The following FCHSD2 variants were observed in gnomAD, a reference collection of about 807,000 sequenced individuals.
The protein encoded by FCHSD2 is F-BAR and double SH3 domains protein 2.
In FCHSD2, 38 loss-of-function variants were observed where a neutral mutation model predicts 108.1. The observed-to-expected ratio is 0.35, with a 90% CI of 0.27 to 0.46. The LOEUF (loss-of-function observed/expected upper bound fraction) is 0.46, where lower values mean the gene tolerates loss of function less well. Ranked by LOEUF, FCHSD2 falls within the 20% of genes least tolerant of loss-of-function variation. The pLI is 1.00. For synonymous variants in FCHSD2, 279 were observed against 314.7 expected (o/e 0.89, Z 1.20); for missense variants, 751 against 897.8 (o/e 0.84, Z 2.09).
intron 7 of FCHSD2, 47 bp from the exon 8 acceptor site, chr11:72,984,263 T>C (rs370687106): frequency 5.2e-5 from 83 of 1,584,976 alleles, no homozygotes; most frequent in Non-Finnish European, 6.5e-5. Flanking sequence ...GATATTGTAC[T>C]GCAAAACACA....
At chr11:72,978,489 G>C (rs1386846041) in intron 8 of FCHSD2, among the ~76,000 whole-genome samples, 1 of 152,106 alleles carries the variant, frequency 6.6e-6, no homozygotes, top group Non-Finnish European at 1.5e-5. Flanking sequence ...TGTCATCCCA[G>C]GTCAAATGAC....
chr11:72,907,432 C>G (rs528708131), intron 9 of FCHSD2, among the ~76,000 whole-genome samples: 1 of 145,578 alleles, frequency 6.9e-6, no homozygotes, highest in East Asian at 1.9e-4. Context: ...GGGAATGCTT[C>G]CAGTTTTTGC....
Position 72,893,702 on chromosome 11 carries a change from C to T in FCHSD2, c.925-3757G>A, listed in dbSNP as rs184930770. 5.3e-4 allele frequency among the ~76,000 whole-genome samples: 80 copies of T among 150,838 alleles called. 1 individual carries two copies. Among genetic ancestry groups the T allele is most frequent in the Non-Finnish European group, 9.3e-4 (63 of 67,840 alleles). On this transcript the variant is annotated intron_variant, in intron 10 of 19. Coordinates refer to ENST00000409418, the MANE Select transcript of FCHSD2 (RefSeq NM_014824.3). Reference sequence around the variant, plus strand: ...GCCGGAGGTTGCAGTGAGCCAAGATCGTGGCACTGCACTCCAGCCTAGGCT... The same window carrying T: ...GCCGGAGGTTGCAGTGAGCCAAGATTGTGGCACTGCACTCCAGCCTAGGCT...
At chr11:72,841,756 T>G (rs1054312914) in intron 17 of FCHSD2, among the ~76,000 whole-genome samples, 173 bp from the exon 18 acceptor site, 11 of 152,200 alleles carry the variant, frequency 7.2e-5, no homozygotes, top group African/African-American at 2.4e-4. Context: ...AGCTCCAATT[T>G]TGCATTGCAC....
intron 2 of FCHSD2, among the ~76,000 whole-genome samples, chr11:73,090,112 GAT>G (rs1185850537): frequency 6.6e-6 from 1 of 151,124 alleles, no homozygotes; most frequent in Non-Finnish European, 1.5e-5. Context: ...GGGATAACTT[GAT>G]AGGAAGATCT....
intron 5 of FCHSD2, among the ~76,000 whole-genome samples, chr11:72,990,217 G>T (rs893788723): frequency 1.3e-5 from 2 of 152,052 alleles, no homozygotes; most frequent in Admixed American, 6.6e-5. Context: ...ACGAAACTGG[G>T]CCTTTGCTTA....
rs370218294 is a variant in FCHSD2, at chr11:72,943,440, A to G, written c.706-21490T>C. Among the ~76,000 whole-genome samples the G allele has an allele frequency of 3.3e-5, 5 of 152,368 alleles. No homozygotes were observed. The South Asian group carries it at 8.3e-4, about 25-fold the overall frequency. ...TTGAGTAGGAAAGGATTAGTGAGAC[A>G]CTGAATCAGGAAAAAGACAGCACAG... On this transcript the variant is annotated intron_variant, in intron 8 of 19. Coordinates refer to ENST00000409418, the MANE Select transcript of FCHSD2 (RefSeq NM_014824.3).
chr11:72,913,434 A>C (rs1023168024), intron 9 of FCHSD2, among the ~76,000 whole-genome samples: 1 of 152,024 alleles, frequency 6.6e-6, no homozygotes, highest in Non-Finnish European at 1.5e-5. Context: ...ACACTTGGAT[A>C]ATTTTTGTAT....
At chr11:72,875,494 T>C (rs1854949756) in intron 12 of FCHSD2, among the ~76,000 whole-genome samples, 1 of 152,156 alleles carries the variant, frequency 6.6e-6, no homozygotes, top group Admixed American at 6.5e-5. Context: ...CCACCACATC[T>C]AATGTTAAAG....
chr11:73,001,618 T>C (rs1290948265), intron 4 of FCHSD2, among the ~76,000 whole-genome samples: 4 of 152,218 alleles, frequency 2.6e-5, no homozygotes, highest in East Asian at 1.9e-4. Flanking sequence ...GTATATATAG[T>C]ACATTGTCTT....
At chr11:73,135,118 T>A (rs1018955189) in intron 2 of FCHSD2, among the ~76,000 whole-genome samples, 1 of 152,256 alleles carries the variant, frequency 6.6e-6, no homozygotes, top group African/African-American at 2.4e-5. Flanking sequence ...CCTCCCAAAG[T>A]GCTGGGATCA....
At chr11:72,855,807 G>GT (rs2135180547) in intron 13 of FCHSD2, among the ~76,000 whole-genome samples, 1 of 152,266 alleles carries the variant, frequency 6.6e-6, no homozygotes, top group South Asian at 2.1e-4. Context: ...ATGAGCATAC[G>GT]TATCTGACAG....
At chr11:72,873,381 C>T (rs370899725) in intron 12 of FCHSD2, among the ~76,000 whole-genome samples, 16 of 151,452 alleles carry the variant, frequency 1.1e-4, no homozygotes, top group Middle Eastern at 3.4e-3. Flanking sequence ...GTCATTCATA[C>T]ATCTTCTTTG....
chr11:72,915,830 C>T (rs1009711949), intron 9 of FCHSD2, among the ~76,000 whole-genome samples: 22 of 151,702 alleles, frequency 1.5e-4, no homozygotes, highest in African/African-American at 5.3e-4. Flanking sequence ...AAACAAAAAA[C>T]AAAAAGAAAA....
intron 9 of FCHSD2, among the ~76,000 whole-genome samples, chr11:72,909,059 C>T (rs184243700): frequency 3.9e-5 from 6 of 152,260 alleles, no homozygotes; most frequent in Admixed American, 2.6e-4. Context: ...TCCCCTCCCC[C>T]CTCCATCTCT....
intron 5 of FCHSD2, among the ~76,000 whole-genome samples, chr11:72,992,440 G>A (rs907357665): frequency 1.8e-4 from 27 of 152,104 alleles, no homozygotes; most frequent in African/African-American, 4.8e-4. Flanking sequence ...AAAAGAGCCC[G>A]CATTGCCAAG....
chr11:72,943,139 G>A (rs757089117), intron 8 of FCHSD2, among the ~76,000 whole-genome samples: 3 of 152,012 alleles, frequency 2.0e-5, no homozygotes, highest in East Asian at 1.9e-4. Context: ...TTACAGGCGC[G>A]TGCCACCATG....
At chr11:72,920,122 T>C (rs1446790524) in intron 9 of FCHSD2, among the ~76,000 whole-genome samples, 1 of 151,882 alleles carries the variant, frequency 6.6e-6, no homozygotes, top group Non-Finnish European at 1.5e-5. Context: ...GTAGAAATAA[T>C]GAATATAAAG....
intron 10 of FCHSD2, 98 bp from the exon 11 acceptor site, chr11:72,890,043 C>G: frequency 1.4e-6 from 1 of 707,230 alleles, no homozygotes; most frequent in East Asian, 2.7e-5. Flanking sequence ...TTAATCAGCA[C>G]TCAAAACATG....
Sources: allele counts gnomAD v4.1 joint callset (sites outside exome capture counted in the v4.1 genomes callset), GRCh38; gene constraint gnomAD v4.1.1; transcripts MANE v1.5; gene names NCBI Gene and HGNC (gene_info 2026-07-23, HGNC 2026-07-21).